The following ZMYM2 variants were observed in gnomAD, a reference collection of about 807,000 sequenced individuals.
ZMYM2 encodes the protein zinc finger MYM-type protein 2.
In ZMYM2, 56 loss-of-function variants were observed where a neutral mutation model predicts 162.8. That is an observed-to-expected ratio of 0.34 (90% CI 0.28 to 0.43). The LOEUF is 0.43. Among genes scored for constraint, ZMYM2 ranks in the 20% least tolerant of loss-of-function variants. ZMYM2 has a pLI of 1.00. For missense variants in ZMYM2, 1,275 were observed against 1,621.8 expected, an observed-to-expected ratio of 0.79 and a Z score of 3.67; for synonymous variants, 510 against 541.6, an observed-to-expected ratio of 0.94 and a Z score of 0.81.
chr13:19,999,054 G>A (rs1326140453), intron 3 of ZMYM2, among the ~76,000 whole-genome samples: 1 of 152,170 alleles, frequency 6.6e-6, no homozygotes, highest in African/African-American at 2.4e-5. Flanking sequence ...CAGCAAACTG[G>A]AGACTTCTAC....
the ZMYM2 span, among the ~76,000 whole-genome samples, chr13:19,900,470 T>A: frequency 6.6e-6 from 1 of 152,146 alleles, no homozygotes; most frequent in African/African-American, 2.4e-5. Context: ...AAAAGCCTAG[T>A]ACTAGATGGG....
chr13:19,915,186 C>T, the ZMYM2 span, among the ~76,000 whole-genome samples: 7 of 152,272 alleles, frequency 4.6e-5, no homozygotes, highest in Admixed American at 3.3e-4. Context: ...GTGTCGAACT[C>T]CCGACCTCAG....
the ZMYM2 span, among the ~76,000 whole-genome samples, chr13:19,951,527 TAAAAAAA>T: frequency 1.4e-4 from 11 of 76,406 alleles, no homozygotes; most frequent in Non-Finnish European, 1.8e-4. Context: ...CCATCTCTAC[TAAAAAAA>T]AAAAAAAAAA....
the ZMYM2 span, among the ~76,000 whole-genome samples, chr13:19,903,645 G>A: frequency 6.6e-6 from 1 of 151,638 alleles, no homozygotes; most frequent in African/African-American, 2.4e-5. Context: ...AGGCCAGTGT[G>A]GATCACTTGA....
chr13:20,051,439 A>C lies in ZMYM2; in HGVS notation c.2299A>C (p.Arg767=), dbSNP rs538116511. The C allele has an allele frequency of 9.2e-5, 149 of 1,611,304 alleles. 1 individual carries two copies. In the South Asian group the frequency reaches 1.6e-3, roughly 17 times the overall value. ...CCTTCCTTTTTAAATTAAGGCTGCA[A>C]GGTGTGACTGTTGTAAATCTCAAGG... ...KFQDWYYKAA[R]CDCCKSQGTL... The change falls in exon 13 of 25, where the codon AGG becomes CGG. Residue 767 remains arginine, a synonymous_variant. Transcript: ENST00000610343.
chr13:20,067,191 A>G, intron 20 of ZMYM2, 48 bp from the exon 21 acceptor site: 1 of 1,482,632 alleles, frequency 6.7e-7, no homozygotes, highest in Non-Finnish European at 9.1e-7. Context: ...CTTAACCTTA[A>G]TAAGACGCTA....
chr13:20,024,943 GATA>G (rs1488465304), intron 7 of ZMYM2: 4 of 215,250 alleles, frequency 1.9e-5, no homozygotes, highest in African/African-American at 9.0e-5. Flanking sequence ...TTAATAAGAT[GATA>G]ATGAACATGC....
rs566026404 is a variant in ZMYM2, at chr13:20,002,761, T to C, written c.848-89T>C. 2.7e-6 allele frequency: 4 copies of C among 1,473,306 alleles called. No homozygotes were observed. The South Asian group carries it at 5.4e-5, about 20-fold the overall frequency. 91.3% of individuals were successfully genotyped at this position (1,473,306 alleles called of 1,614,324 possible). On this transcript the variant is annotated intron_variant, in intron 3 of 24. Transcript: ENST00000610343. ...ATTAACATCTTAAAATTGTACAAAATGGGAAGTTAATATTTCTCTGATATA... is the reference window on the plus strand; with the variant it reads ...ATTAACATCTTAAAATTGTACAAAACGGGAAGTTAATATTTCTCTGATATA...
At chr13:20,019,165 T>C (rs1324181988) in intron 6 of ZMYM2, among the ~76,000 whole-genome samples, 1 of 151,850 alleles carries the variant, frequency 6.6e-6, no homozygotes, top group Non-Finnish European at 1.5e-5. Context: ...CTGTATAATC[T>C]CCAAATGACT....
intron 5 of ZMYM2, 22 bp downstream of exon 5, chr13:20,005,261 C>A: frequency 6.8e-7 from 1 of 1,463,306 alleles, no homozygotes; most frequent in South Asian, 1.4e-5. Flanking sequence ...TTTTCTTTAT[C>A]ATTTAATTCT....
chr13:19,947,221 C>T, the ZMYM2 span, among the ~76,000 whole-genome samples: 4,483 of 151,880 alleles, frequency 0.03, 210 homozygotes, highest in African/African-American at 0.1. Context: ...CCACCACGCC[C>T]GGCTAATTTT....
intron 12 of ZMYM2, among the ~76,000 whole-genome samples, chr13:20,044,177 G>A (rs1353927785): frequency 1.4e-4 from 22 of 152,158 alleles, no homozygotes; most frequent in Admixed American, 1.2e-3. Context: ...CACTACAGAG[G>A]CCCCTGCACC....
the ZMYM2 span, among the ~76,000 whole-genome samples, chr13:19,919,579 A>G: frequency 6.6e-6 from 1 of 151,772 alleles, no homozygotes; most frequent in Admixed American, 6.6e-5. Context: ...TTTAGTCTGC[A>G]TTACTCTGAT....
chr13:20,065,231 C>T (rs1007720404), intron 19 of ZMYM2, among the ~76,000 whole-genome samples: 22 of 151,650 alleles, frequency 1.5e-4, no homozygotes, highest in African/African-American at 4.6e-4. Context: ...GAAAAAAAAC[C>T]GGAAAAGGGA....
chr13:19,951,028 T>A, the ZMYM2 span, among the ~76,000 whole-genome samples: 3 of 152,230 alleles, frequency 2.0e-5, no homozygotes, highest in South Asian at 2.1e-4. Flanking sequence ...TGTGATTTTT[T>A]AATTTATTTA....
intron 14 of ZMYM2, among the ~76,000 whole-genome samples, chr13:20,057,654 TG>T (rs1315671308): frequency 6.6e-6 from 1 of 152,196 alleles, no homozygotes; most frequent in Non-Finnish European, 1.5e-5. Context: ...AGTACAGTAG[TG>T]TATTACACAA....
At chr13:19,987,567 C>T (rs9579758) in intron 2 of ZMYM2, among the ~76,000 whole-genome samples, 14,794 of 146,514 alleles carry the variant, frequency 0.1, 1,256 homozygotes, top group African/African-American at 0.22. Flanking sequence ...CCGGGCGCCC[C>T]GCTACGTGTG....
At chr13:20,068,670 T>A (rs1237885596) in intron 21 of ZMYM2, among the ~76,000 whole-genome samples, 1 of 152,168 alleles carries the variant, frequency 6.6e-6, no homozygotes, top group African/African-American at 2.4e-5. Context: ...GCATTTATAC[T>A]GTACCAGGTG....
At chr13:20,059,218 TAA>T (rs544871334) in intron 15 of ZMYM2, among the ~76,000 whole-genome samples, 76 of 145,908 alleles carry the variant, frequency 5.2e-4, no homozygotes, top group African/African-American at 1.8e-3. Context: ...TTTTCTTTCT[TAA>T]AAAAAAAAAA....
Sources: gnomAD v4.1 joint callset for allele counts (sites outside exome capture counted in the v4.1 genomes callset) on GRCh38, gnomAD v4.1.1 for gene constraint, MANE v1.5 for transcripts, NCBI Gene and HGNC (gene_info 2026-07-23, HGNC 2026-07-21) for gene names.